Variants in LRCH1 observed in about 807,000 individuals in gnomAD.
The protein encoded by LRCH1 is leucine rich repeats and calponin homology domain containing 1.
A neutral mutation model predicts 94.9 loss-of-function variants in LRCH1; 23 were observed. That is an observed-to-expected ratio of 0.24 (90% CI 0.17 to 0.34). The LOEUF is 0.34. LRCH1 is among the 10% of genes least tolerant of loss of function. The pLI, the probability that LRCH1 is intolerant of heterozygous loss-of-function variation, is 1.00. For missense variants in LRCH1, 790 were observed against 945.9 expected (o/e 0.84, Z 2.16); for synonymous variants, 364 against 354.9 (o/e 1.03, Z -0.29).
rs748065149 is a variant in LRCH1, at chr13:46,701,158, A to G, written c.1351A>G (p.Met451Val). The change falls in exon 11 of 20, where the codon ATG (methionine) becomes GTG (valine). Residue 451 changes from methionine to valine, a missense_variant. Physicochemically the swap from Met to Val is conservative, Grantham distance 21 (BLOSUM62 1). Coordinates refer to ENST00000389797, the MANE Select transcript of LRCH1 (RefSeq NM_001164211.2). The stretch of plus-strand genomic sequence containing the variant: ...CAAAGATCAGGACATGGATATAGCA[A>G]TGATCGAGCAGCTGAGAGAAGCAGT... Reference protein sequence around the residue: ...SSKDQDMDIAMIEQLREAVDL... With the variant: ...SSKDQDMDIAVIEQLREAVDL... The G allele has an allele frequency of 3.1e-6, 5 of 1,613,790 alleles. No individual in the cohort carries two copies. The African/African-American group carries it at 5.3e-5, about 17-fold the overall frequency.
intron 1 of LRCH1, among the ~76,000 whole-genome samples, chr13:46,563,880 C>T (rs2050154500): frequency 6.6e-6 from 1 of 152,098 alleles, no homozygotes; most frequent in Non-Finnish European, 1.5e-5. Context: ...GGCAGAGTCT[C>T]CCAGGCTCAC....
At chr13:46,688,759 A>G (rs917433897) in intron 6 of LRCH1, among the ~76,000 whole-genome samples, 1 of 152,232 alleles carries the variant, frequency 6.6e-6, no homozygotes, top group African/African-American at 2.4e-5. Flanking sequence ...ACATTTCATA[A>G]CATAAGGGGT....
intron 5 of LRCH1, among the ~76,000 whole-genome samples, chr13:46,686,883 A>G (rs1268309116): frequency 6.7e-6 from 1 of 150,266 alleles, no homozygotes; most frequent in East Asian, 1.9e-4. Context: ...TATGCTAATC[A>G]CTCCAACTCC....
At chr13:46,695,980 A>G (rs1269191616) in intron 9 of LRCH1, among the ~76,000 whole-genome samples, 1 of 152,230 alleles carries the variant, frequency 6.6e-6, no homozygotes, top group Non-Finnish European at 1.5e-5. Context: ...AGGATAAAAC[A>G]CAGTCTTAAC....
chr13:46,627,987 T>C (rs976730570), intron 1 of LRCH1, among the ~76,000 whole-genome samples: 1 of 151,994 alleles, frequency 6.6e-6, no homozygotes, highest in African/African-American at 2.4e-5. Context: ...ATGGGAAATA[T>C]TGGTTTGGGG....
At chr13:46,705,901 A>G (rs192621224) in intron 13 of LRCH1, among the ~76,000 whole-genome samples, 1 of 152,308 alleles carries the variant, frequency 6.6e-6, no homozygotes, top group East Asian at 1.9e-4. Flanking sequence ...TAAAGCCAGA[A>G]TGTTACCCCA....
chr13:46,553,757 C>A, intron 1 of LRCH1, 54 bp downstream of exon 1: 2 of 1,586,974 alleles, frequency 1.3e-6, no homozygotes, highest in African/African-American at 1.3e-5. Flanking sequence ...GGGTGTCTGT[C>A]GTGCGTTCCC....
intron 1 of LRCH1, among the ~76,000 whole-genome samples, chr13:46,595,416 A>G (rs2050550005): frequency 6.6e-6 from 1 of 152,092 alleles, no homozygotes; most frequent in Non-Finnish European, 1.5e-5. Context: ...CTGTTTCCAT[A>G]TTGCACACTC....
At chr13:46,564,719 A>G (rs952353852) in intron 1 of LRCH1, among the ~76,000 whole-genome samples, 1 of 152,188 alleles carries the variant, frequency 6.6e-6, no homozygotes, top group Admixed American at 6.5e-5. Context: ...TCCCCAACTT[A>G]CTAATTTTGG....
At position 46,585,751 on chromosome 13, in the gene LRCH1, G is replaced by A. The variant is rs547338658; in HGVS notation, c.307+32048G>A. On this transcript the variant is annotated intron_variant, in intron 1 of 19. Coordinates refer to ENST00000389797, the MANE Select transcript of LRCH1 (RefSeq NM_001164211.2). ...GGATTTGCTGGAGTTAAGAAAGAAC[G>A]TTGTCATTCCCCCTGCCCACCCCCA... Among the ~76,000 whole-genome samples, 3 of 152,126 alleles carry A rather than the reference G, an allele frequency of 2.0e-5. No individual in the cohort carries two copies. In the East Asian group the frequency reaches 5.8e-4, roughly 29 times the overall value.
chr13:46,742,880 T>G lies in LRCH1; in HGVS notation c.*1032T>G, dbSNP rs182581244. Reference sequence around the variant, plus strand: ...TTTCTCTAATTATTTGAAATGTTCATTTAGCCTTTGATTTTCACTGATATT... The same window carrying G: ...TTTCTCTAATTATTTGAAATGTTCAGTTAGCCTTTGATTTTCACTGATATT... On this transcript the variant is annotated 3_prime_UTR_variant, in exon 20 of 20. Transcript: ENST00000389797. 6.0e-4 allele frequency: 592 copies of G among 985,352 alleles called. No homozygotes were observed. Among genetic ancestry groups the G allele is most frequent in the Non-Finnish European group, 6.4e-4 (530 of 829,826 alleles). 61.0% of individuals were successfully genotyped at this position (985,352 alleles called of 1,614,324 possible).
At chr13:46,598,783 T>C (rs1379896303) in intron 1 of LRCH1, among the ~76,000 whole-genome samples, 3 of 152,162 alleles carry the variant, frequency 2.0e-5, no homozygotes, top group African/African-American at 7.2e-5. Flanking sequence ...GTTCTTCGCA[T>C]CCAGAACCAT....
At chr13:46,740,746 G>T (rs186039587) in intron 19 of LRCH1, among the ~76,000 whole-genome samples, 2 of 152,246 alleles carry the variant, frequency 1.3e-5, no homozygotes, top group East Asian at 3.9e-4. Context: ...GTCATTTCCG[G>T]TTCAGGAATT....
At chr13:46,689,940 G>A (rs1870812216) in intron 7 of LRCH1, among the ~76,000 whole-genome samples, 2 of 152,054 alleles carry the variant, frequency 1.3e-5, no homozygotes, top group Non-Finnish European at 2.9e-5. Context: ...AAAGTATCAG[G>A]TGCTCTTCTT....
intron 2 of LRCH1, among the ~76,000 whole-genome samples, chr13:46,666,138 A>G (rs2051512416): frequency 6.6e-6 from 1 of 152,204 alleles, no homozygotes; most frequent in Admixed American, 6.5e-5. Flanking sequence ...TAGCATGGTG[A>G]ATTGGTAAGT....
chr13:46,663,335 TTTGTTG>T (rs58801835), intron 2 of LRCH1, among the ~76,000 whole-genome samples: 6 of 151,496 alleles, frequency 4.0e-5, no homozygotes, highest in Non-Finnish European at 7.4e-5. Flanking sequence ...AAGCAAAGCT[TTTGTTG>T]TTGTTGTTGT....
chr13:46,620,423 A>C (rs917964024), intron 1 of LRCH1, among the ~76,000 whole-genome samples: 1 of 152,250 alleles, frequency 6.6e-6, no homozygotes, highest in East Asian at 1.9e-4. Context: ...AGGACATGCT[A>C]TGTCCACTGT....
intron 17 of LRCH1, among the ~76,000 whole-genome samples, chr13:46,727,414 A>T (rs1872876158): frequency 6.6e-6 from 1 of 152,348 alleles, no homozygotes; most frequent in African/African-American, 2.4e-5. Flanking sequence ...ATGATCCAAC[A>T]TTCGTGTCTT....
At chr13:46,606,769 A>G (rs1050794858) in intron 1 of LRCH1, among the ~76,000 whole-genome samples, 8 of 152,034 alleles carry the variant, frequency 5.3e-5, no homozygotes, top group Non-Finnish European at 1.0e-4. Context: ...ATGGGGTTTC[A>G]CCATGTTGGC....
Sources: allele counts gnomAD v4.1 joint callset (sites outside exome capture counted in the v4.1 genomes callset), GRCh38; gene constraint gnomAD v4.1.1; transcripts MANE v1.5; gene names NCBI Gene and HGNC (gene_info 2026-07-23, HGNC 2026-07-21).